The following NEBL variants were observed in gnomAD, a reference collection of about 807,000 sequenced individuals.
NEBL encodes the protein LIM and SH3 protein 2.
Under a neutral mutation model 140.2 loss-of-function variants are expected in NEBL, and 122 were observed. The ratio of observed to expected loss-of-function variants is 0.87; its 90% CI spans 0.75 to 1.01. The LOEUF (loss-of-function observed/expected upper bound fraction) is 1.01. Among genes scored for constraint, NEBL ranks in the 50% least tolerant of loss-of-function variants. The pLI is 0.00. For synonymous variants in NEBL, 436 were observed against 398.9 expected (o/e 1.09, Z -1.11); for missense variants, 1,365 against 1,231.3 (o/e 1.11, Z -1.62).
intron 11 of NEBL, among the ~76,000 whole-genome samples, 154 bp downstream of exon 11, chr10:20,850,241 T>A (rs1313048910): frequency 6.6e-6 from 1 of 152,174 alleles, no homozygotes; most frequent in Non-Finnish European, 1.5e-5. Flanking sequence ...CTAGACAAGA[T>A]CCCAGGCAGT....
At chr10:20,950,458 C>G (rs1286320100) in intron 4 of NEBL, among the ~76,000 whole-genome samples, 1 of 152,176 alleles carries the variant, frequency 6.6e-6, no homozygotes. Flanking sequence ...TTCATCTCTT[C>G]CCTTCCTTCT....
intron 2 of NEBL, among the ~76,000 whole-genome samples, chr10:21,097,229 GT>G (rs1262358955): frequency 0.081 from 8,773 of 108,052 alleles, 348 homozygotes; most frequent in East Asian, 0.17. Flanking sequence ...CGGGGGGGGG[GT>G]GGGGCAGATC....
chr10:20,835,355 T>A lies in NEBL; in HGVS notation c.1449+158A>T, dbSNP rs12098681. On this transcript the variant is annotated intron_variant, in intron 14 of 27. Transcript: ENST00000377122. Reference sequence around the variant, plus strand: ...GATATGAGCAAAGCAAAAACTGTAATTTTTCAAACTGGCATAATGCTTCGG... The same window carrying A: ...GATATGAGCAAAGCAAAAACTGTAAATTTTCAAACTGGCATAATGCTTCGG... 0.021 allele frequency among the ~76,000 whole-genome samples: 3,270 copies of A among 152,268 alleles called. 132 individuals are homozygous for A. The highest frequency in any genetic ancestry group is 0.075 in the African/African-American group (3,098 of 41,546).
chr10:21,079,406 T>C (rs1836263442), intron 2 of NEBL, among the ~76,000 whole-genome samples: 1 of 152,242 alleles, frequency 6.6e-6, no homozygotes, highest in Non-Finnish European at 1.5e-5. Context: ...CCAGCACACC[T>C]GTGTGAGGAC....
chr10:20,947,262 C>A (rs1488217533), intron 4 of NEBL, among the ~76,000 whole-genome samples: 1 of 152,124 alleles, frequency 6.6e-6, no homozygotes. Context: ...TCACAGAGAG[C>A]ATTAGGGGAG....
intron 3 of NEBL, among the ~76,000 whole-genome samples, chr10:21,227,733 TTCTTCTTC>T (rs1842185288): frequency 1.5e-5 from 2 of 130,756 alleles, no homozygotes; most frequent in Admixed American, 7.3e-5. Context: ...CTTCTTCTTC[TTCTTCTTC>T]TTCTTCTTCT....
chr10:21,119,589 T>A (rs145116659), intron 2 of NEBL, among the ~76,000 whole-genome samples: 1 of 151,750 alleles, frequency 6.6e-6, no homozygotes, highest in African/African-American at 2.4e-5. Flanking sequence ...ATGTTTTAGA[T>A]AATTTACATG....
chr10:21,030,896 A>G, intron 2 of NEBL: 1 of 266,776 alleles, frequency 3.7e-6, no homozygotes, highest in Non-Finnish European at 7.4e-6. Context: ...TCACCAATCA[A>G]AAATGGTATC....
intron 26 of NEBL, among the ~76,000 whole-genome samples, chr10:20,806,986 C>T (rs569901332): frequency 6.6e-6 from 1 of 152,168 alleles, no homozygotes; most frequent in East Asian, 1.9e-4. Flanking sequence ...ATCTACAGAA[C>T]CAGGAAGGAC....
At position 21,050,534 on chromosome 10, in the gene NEBL, G is replaced by A. The variant is rs570909243; in HGVS notation, c.165-30333C>T. The stretch of plus-strand genomic sequence containing the variant: ...AGCCTTTGTCTGCAAAGAAGCAGAT[G>A]TCACTGCAGTACGGGGAGAAGCATG... On this transcript the variant is annotated intron_variant, in intron 2 of 6. Coordinates refer to the NEBL transcript ENST00000417816. Among the ~76,000 whole-genome samples, 431 of 152,304 alleles carry A rather than the reference G, an allele frequency of 2.8e-3. 2 individuals carry two copies. The highest frequency in any genetic ancestry group is 4.3e-3 in the Non-Finnish European group (290 of 68,034).
rs369291648 is a variant in NEBL, at chr10:20,852,632, G to T, written c.921C>A (p.Leu307=). ...GATACATTCCTTTGTTTTCCTCAAA[G>T]AGCTTTTTATATTCTCGCTAAAATA... ...KMLSGREYKK[L]FEENKGMYHF... Residue 307 remains leucine, a synonymous_variant, in exon 10 of 28, where the codon CTC becomes CTA. Coordinates refer to ENST00000377122, the MANE Select transcript of NEBL (RefSeq NM_006393.3). The T allele has an allele frequency of 1.1e-5, 17 of 1,612,596 alleles. No individual in the cohort carries two copies. Among genetic ancestry groups the T allele is most frequent in the Non-Finnish European group, 1.4e-5 (17 of 1,178,944 alleles).
At chr10:20,850,345 C>A in intron 11 of NEBL, 50 bp downstream of exon 11, 1 of 1,398,778 alleles carries the variant, frequency 7.1e-7, no homozygotes, top group Non-Finnish European at 1.0e-6. Context: ...TTTCAAATGA[C>A]AAAACATCAA....
intron 2 of NEBL, among the ~76,000 whole-genome samples, chr10:21,251,177 T>C (rs765854640): frequency 2.6e-5 from 4 of 152,216 alleles, no homozygotes; most frequent in African/African-American, 4.8e-5. Flanking sequence ...CTGTTTCTTT[T>C]ACTTCCTTTT....
intron 2 of NEBL, among the ~76,000 whole-genome samples, chr10:21,071,115 T>A (rs1022753229): frequency 5.9e-5 from 9 of 151,766 alleles, no homozygotes; most frequent in African/African-American, 2.2e-4. Flanking sequence ...GAGGCTAAAG[T>A]GAGTCATGAT....
rs1476579374 is a variant in NEBL, at chr10:21,169,057, AAAAAAAAAAAATATATATAT to A, written c.164+3306_164+3325del. Among the ~76,000 whole-genome samples, 23 of 43,656 alleles carry A rather than the reference AAAAAAAAAAAATATATATAT, an allele frequency of 5.3e-4. 1 individual carries two copies. Among genetic ancestry groups the A allele is most frequent in the Non-Finnish European group, 9.0e-4 (20 of 22,268 alleles). The allele number at this position is 43,656 out of a possible 152,430, so 28.6% of individuals were successfully genotyped here. ...GAGTGAGACTCCGTCTACAAAAAAA[AAAAAAAAAAAATATATATAT>A]ATATATATATATATATATATATATA... On this transcript the variant is annotated intron_variant, in intron 2 of 6. Coordinates refer to the NEBL transcript ENST00000417816.
intron 13 of NEBL, among the ~76,000 whole-genome samples, chr10:20,838,226 G>T (rs914852542): frequency 1.9e-4 from 29 of 152,182 alleles, no homozygotes; most frequent in African/African-American, 7.0e-4. Flanking sequence ...CCATTAAGAA[G>T]ATTAGTGATT....
intron 3 of NEBL, among the ~76,000 whole-genome samples, chr10:21,238,158 T>G (rs1842385020): frequency 6.6e-6 from 1 of 152,186 alleles, no homozygotes; most frequent in Non-Finnish European, 1.5e-5. Flanking sequence ...CTTTCAGGTG[T>G]GGTATCAGGT....
chr10:20,961,494 A>G (rs1212496304), intron 4 of NEBL, among the ~76,000 whole-genome samples: 1 of 152,208 alleles, frequency 6.6e-6, no homozygotes, highest in East Asian at 1.9e-4. Context: ...CGGGTCCTAG[A>G]TAACTGTGAT....
intron 3 of NEBL, among the ~76,000 whole-genome samples, chr10:21,204,196 G>A (rs1021341852): frequency 6.6e-6 from 1 of 152,144 alleles, no homozygotes; most frequent in Non-Finnish European, 1.5e-5. Context: ...CTTAGAACAA[G>A]CCTCAGAATT....
Sources: gnomAD v4.1 joint callset for allele counts (sites outside exome capture counted in the v4.1 genomes callset) on GRCh38, gnomAD v4.1.1 for gene constraint, MANE v1.5 for transcripts, NCBI Gene and HGNC (gene_info 2026-07-23, HGNC 2026-07-21) for gene names.